The following MAP3K13 variants were observed in gnomAD, a reference collection of about 807,000 sequenced individuals.
MAP3K13 encodes leucine zipper-bearing kinase.
In MAP3K13, 52 loss-of-function variants were observed where a neutral mutation model predicts 104.0. That is an observed-to-expected ratio of 0.50 (90% CI 0.40 to 0.63). MAP3K13 has a LOEUF of 0.63. Ranked by LOEUF, MAP3K13 falls within the 20% of genes least tolerant of loss-of-function variation. The pLI, the probability that MAP3K13 is intolerant of heterozygous loss-of-function variation, is 0.00. For missense variants in MAP3K13, 914 were observed against 1,218.5 expected, an observed-to-expected ratio of 0.75 and a Z score of 3.72; for synonymous variants, 394 against 442.2, an observed-to-expected ratio of 0.89 and a Z score of 1.37.
At chr3:185,360,467 A>G (rs1723557627), upstream of MAP3K13, among the ~76,000 whole-genome samples, 1 of 152,088 alleles carries the variant, frequency 6.6e-6, no homozygotes, top group Admixed American at 6.5e-5. Flanking sequence ...TTCCTCCAAG[A>G]CTGACTTCTA....
rs1718391291 is a variant in MAP3K13 at position 185,480,568 on chromosome 3, T to C, written c.2799+39T>C. 5 of 1,589,278 alleles carry C rather than the reference T, an allele frequency of 3.1e-6. No homozygotes were observed. In the African/African-American group the frequency reaches 6.7e-5, roughly 21 times the overall value. ...CCTTCTCCTCCCATCACTGTTCCCT[T>C]TTTTGCTCTTTGGGGTTCAAGTCTC... On this transcript the variant is annotated intron_variant, in intron 13 of 13. Coordinates refer to ENST00000265026, the MANE Select transcript of MAP3K13 (RefSeq NM_004721.5).
chr3:185,359,068 C>T (rs1407450289), upstream of MAP3K13, among the ~76,000 whole-genome samples: 2 of 152,160 alleles, frequency 1.3e-5, no homozygotes, highest in African/African-American at 4.8e-5. Flanking sequence ...ATGATAAAAA[C>T]GTACCTGAGA....
intron 2 of MAP3K13, chr3:185,291,851 C>T: frequency 1.6e-6 from 2 of 1,243,684 alleles, no homozygotes; most frequent in Admixed American, 4.1e-5. Context: ...CCTCTAGGGT[C>T]CTTCATATTG....
intron 7 of MAP3K13, among the ~76,000 whole-genome samples, chr3:185,462,198 C>A (rs1358345158): frequency 6.6e-6 from 1 of 152,162 alleles, no homozygotes; most frequent in Non-Finnish European, 1.5e-5. Flanking sequence ...CTTATTTTCA[C>A]TGTTTGTTTC....
intron 2 of MAP3K13, among the ~76,000 whole-genome samples, chr3:185,330,266 C>T (rs9790151): frequency 0.76 from 115,670 of 151,534 alleles, 44,883 homozygotes; most frequent in Middle Eastern, 0.84. Flanking sequence ...TAGACGTTCA[C>T]TGGGTTTCCC....
intron 1 of MAP3K13, among the ~76,000 whole-genome samples, chr3:185,421,164 C>CT (rs563297690): frequency 2.0e-5 from 3 of 151,742 alleles, no homozygotes; most frequent in South Asian, 4.2e-4. Context: ...CTTTTCTTTT[C>CT]TTTTTTTGTT....
chr3:185,403,555 G>C (rs1712934118), intron 1 of MAP3K13, among the ~76,000 whole-genome samples: 1 of 152,092 alleles, frequency 6.6e-6, no homozygotes, highest in Admixed American at 6.5e-5. Context: ...TAATTAACTT[G>C]ATTGTGGTAA....
chr3:185,392,447 G>A (rs4074644), intron 1 of MAP3K13, among the ~76,000 whole-genome samples: 97,116 of 152,046 alleles, frequency 0.64, 31,467 homozygotes, highest in Non-Finnish European at 0.7. Context: ...GCAAGAATTG[G>A]GAGAAGAGAG....
intron 7 of MAP3K13, 126 bp from the exon 8 acceptor site, chr3:185,463,424 C>T (rs1185951555): frequency 5.0e-6 from 3 of 597,046 alleles, no homozygotes; most frequent in East Asian, 2.6e-5. Flanking sequence ...ATTTATTGAA[C>T]ATCTATTCTG....
At position 185,292,976 on chromosome 3, in the gene MAP3K13, C is replaced by T. The variant is rs765254915; in HGVS notation, c.-86+7333C>T. 1.0e-5 allele frequency: 10 copies of T among 984,064 alleles called. No homozygotes were observed. The East Asian group carries it at 3.4e-4, about 33-fold the overall frequency. 61.0% of individuals were successfully genotyped at this position (984,064 alleles called of 1,614,324 possible). On this transcript the variant is annotated intron_variant, in intron 2 of 14. Transcript: ENST00000424227. Reference sequence around the variant, plus strand: ...ATAGAATATTTCACAATGCATCCCACGTGGTAAGAATAAAAAATTGTTTTA... The same window carrying T: ...ATAGAATATTTCACAATGCATCCCATGTGGTAAGAATAAAAAATTGTTTTA...
At position 185,369,571 on chromosome 3, in the gene MAP3K13, TATCACCACTGAGA is replaced by T. The variant is rs1260391617; in HGVS notation, c.-86+6209_-86+6221del. On this transcript the variant is annotated intron_variant, in intron 1 of 13. Transcript: ENST00000265026. ...GATGCAGATGTGTGCCCTCCCATAG[TATCACCACTGAGA>T]ATCACTGCATAGTAAGGCATAGTTA... 2.6e-5 allele frequency among the ~76,000 whole-genome samples: 4 copies of T among 152,324 alleles called. No homozygotes were observed. The East Asian group carries it at 7.7e-4, about 29-fold the overall frequency.
chr3:185,396,280 G>A (rs1042260802), intron 1 of MAP3K13, among the ~76,000 whole-genome samples: 6 of 152,228 alleles, frequency 3.9e-5, no homozygotes, highest in African/African-American at 1.4e-4. Flanking sequence ...CTAAGCAGGA[G>A]AATTGCATGA....
At chr3:185,481,706 T>TTA in intron 13 of MAP3K13, among the ~76,000 whole-genome samples, 1 of 152,332 alleles carries the variant, frequency 6.6e-6, no homozygotes, top group South Asian at 2.1e-4. Context: ...GGCAAGCCAC[T>TTA]TAACCTCTCT....
chr3:185,351,841 G>C (rs1307119673), intron 2 of MAP3K13, among the ~76,000 whole-genome samples: 3 of 152,188 alleles, frequency 2.0e-5, no homozygotes. Context: ...CAACCCTAAA[G>C]CAGGCAGGTA....
At chr3:185,375,940 A>G (rs7429764) in intron 1 of MAP3K13, among the ~76,000 whole-genome samples, 38,796 of 152,064 alleles carry the variant, frequency 0.26, 5,103 homozygotes, top group Admixed American at 0.3. Flanking sequence ...CAAGAGTGAG[A>G]GCTCAAGTTA....
intron 1 of MAP3K13, among the ~76,000 whole-genome samples, chr3:185,411,641 T>TA (rs1713452788): frequency 6.6e-6 from 1 of 152,222 alleles, no homozygotes; most frequent in Non-Finnish European, 1.5e-5. Context: ...CAGTGATACT[T>TA]CAAATAGTAA....
intron 9 of MAP3K13, among the ~76,000 whole-genome samples, chr3:185,466,104 AG>A (rs1717403307): frequency 6.6e-6 from 1 of 152,190 alleles, no homozygotes; most frequent in Non-Finnish European, 1.5e-5. Context: ...TGCATAGGGA[AG>A]GGGTCCCCAT....
upstream of MAP3K13, among the ~76,000 whole-genome samples, chr3:185,360,835 T>C (rs1272827005): frequency 3.4e-5 from 5 of 145,316 alleles, no homozygotes; most frequent in Non-Finnish European, 6.0e-5. Flanking sequence ...TTTTTTTTTT[T>C]TTTTTTTTGA....
chr3:185,454,965 A>AGATATATATATGATATATAT (rs1716333802), intron 7 of MAP3K13, among the ~76,000 whole-genome samples: 3 of 90,262 alleles, frequency 3.3e-5, no homozygotes, highest in African/African-American at 1.2e-4. Flanking sequence ...TATATATATG[A>AGATATATATATGATATATAT]GATATATATA....
Sources: gnomAD v4.1 joint callset for allele counts (sites outside exome capture counted in the v4.1 genomes callset) on GRCh38, gnomAD v4.1.1 for gene constraint, MANE v1.5 for transcripts, NCBI Gene and HGNC (gene_info 2026-07-23, HGNC 2026-07-21) for gene names.